ACTR10: variants seen among roughly 807,000 people sequenced by gnomAD.
The protein encoded by ACTR10 is actin-related protein 10.
Under a neutral mutation model 56.2 loss-of-function variants are expected in ACTR10, and 43 were observed. The ratio of observed to expected loss-of-function variants is 0.77; its 90% confidence interval spans 0.60 to 0.99. The LOEUF (loss-of-function observed/expected upper bound fraction) is 0.99, where lower values mean the gene tolerates loss of function less well. Ranked by LOEUF, ACTR10 falls within the 50% of genes least tolerant of loss-of-function variation. ACTR10 has a pLI of 0.00. For missense variants in ACTR10, 466 were observed against 507.8 expected, an observed-to-expected ratio of 0.92 and a Z score of 0.79; for synonymous variants, 170 against 176.3, an observed-to-expected ratio of 0.96 and a Z score of 0.28.
In ACTR10 at chr14:58,231,224, G is replaced by A. The variant is rs558551786; in HGVS notation, c.870+744G>A. The A allele has an allele frequency of 1.7e-5, 3 of 181,436 alleles. No individual in the cohort carries two copies. The South Asian group carries it at 2.3e-4, about 14-fold the overall frequency. 11.2% of individuals were successfully genotyped at this position (181,436 alleles called of 1,614,324 possible). On this transcript the variant is annotated intron_variant, in intron 11 of 12. Coordinates refer to ENST00000254286, the MANE Select transcript of ACTR10 (RefSeq NM_018477.3). ...TGTGCCACCATGCCTGGCTAATTTTGTATTTTTGGTAGAGATGGGGTTTCT... is the reference window on the plus strand; with the variant it reads ...TGTGCCACCATGCCTGGCTAATTTTATATTTTTGGTAGAGATGGGGTTTCT...
chr14:58,213,078 A>G lies in ACTR10; in HGVS notation c.451-553A>G, dbSNP rs1889041766. On this transcript the variant is annotated intron_variant, in intron 5 of 12. Coordinates refer to ENST00000254286, the MANE Select transcript of ACTR10 (RefSeq NM_018477.3). Reference sequence around the variant, plus strand: ...GGTTGCACTGAGCCGAGATCGCACCACTGCACTCCAGCCTGGGCTACAGAG... The same window carrying G: ...GGTTGCACTGAGCCGAGATCGCACCGCTGCACTCCAGCCTGGGCTACAGAG... The G allele has an allele frequency of 2.0e-5, 3 of 152,290 alleles. No homozygotes were observed. The South Asian group carries it at 6.2e-4, about 31-fold the overall frequency. 9.4% of individuals were successfully genotyped at this position (152,290 alleles called of 1,614,324 possible).
chr14:58,219,718 A>G lies in ACTR10; in HGVS notation c.623A>G (p.Glu208Gly). The G allele has an allele frequency of 6.6e-7, 1 of 1,526,548 alleles. No homozygotes were observed. Among genetic ancestry groups the G allele is most frequent in the Non-Finnish European group, 8.8e-7 (1 of 1,136,716 alleles). The allele number at this position is 1,526,548 out of a possible 1,614,324, so 94.6% of individuals were successfully genotyped here. A position where few individuals can be genotyped will look rare whatever the true frequency, so the allele number is the denominator to read the frequency against. The change falls in exon 8 of 13, where the codon GAG becomes GGG. Residue 208 changes from glutamate (E) to glycine (G), a missense_variant. Transcript: ENST00000254286. ...GGTTCAGTTCCGGAAGGTGTCTTAG[A>G]GGACATTAAAGGTAAACTAAGTTCT... ...VMGSVPEGVL[E>G]DIKARTCFVS...
chr14:58,223,595 A>T, intron 8 of ACTR10, 27 bp from the exon 9 acceptor site: 1 of 1,581,000 alleles, frequency 6.3e-7, no homozygotes, highest in Non-Finnish European at 8.6e-7. Flanking sequence ...AACTAGCCAT[A>T]ATAAGGTCTC....
At chr14:58,203,109 C>G (rs1184503501) in intron 2 of ACTR10, among the ~76,000 whole-genome samples, 182 bp downstream of exon 2, 2 of 152,044 alleles carry the variant, frequency 1.3e-5, no homozygotes, top group Non-Finnish European at 2.9e-5. Flanking sequence ...TGAGACCAGC[C>G]TGGACAACAT....
At chr14:58,223,958 G>A in intron 10 of ACTR10, 102 bp downstream of exon 10, 4 of 894,054 alleles carry the variant, frequency 4.5e-6, no homozygotes, top group Non-Finnish European at 5.2e-6. Flanking sequence ...CATTTTAACA[G>A]TTCAGTGTTT....
intron 7 of ACTR10, among the ~76,000 whole-genome samples, chr14:58,216,393 A>G (rs141644388): frequency 1.2e-4 from 18 of 152,272 alleles, no homozygotes; most frequent in Middle Eastern, 3.4e-3. Flanking sequence ...GCCTCCCAAA[A>G]TGCTGGGATT....
chr14:58,222,572 C>T (rs1216739613), intron 8 of ACTR10, among the ~76,000 whole-genome samples: 3 of 152,102 alleles, frequency 2.0e-5, no homozygotes, highest in Non-Finnish European at 4.4e-5. Context: ...CGAGACCAGC[C>T]TGACCAATAT....
At chr14:58,221,370 A>C (rs1432353809) in intron 8 of ACTR10, among the ~76,000 whole-genome samples, 2 of 151,966 alleles carry the variant, frequency 1.3e-5, no homozygotes, top group Non-Finnish European at 2.9e-5. Context: ...AAGGCAGGTG[A>C]ATCACTAGAG....
chr14:58,220,278 A>G (rs1270760920), intron 8 of ACTR10, among the ~76,000 whole-genome samples: 23 of 152,192 alleles, frequency 1.5e-4, no homozygotes, highest in Admixed American at 1.5e-3. Flanking sequence ...AATGTTAATA[A>G]TTTAGGATGT....
intron 4 of ACTR10, among the ~76,000 whole-genome samples, chr14:58,209,815 A>C (rs980156476): frequency 6.6e-6 from 1 of 152,226 alleles, no homozygotes; most frequent in Non-Finnish European, 1.5e-5. Context: ...ATGTAAGATT[A>C]TATGTATTAA....
At chr14:58,210,179 T>G (rs1272404009) in intron 4 of ACTR10, among the ~76,000 whole-genome samples, 1 of 152,214 alleles carries the variant, frequency 6.6e-6, no homozygotes. Flanking sequence ...ATACAGCCAT[T>G]ATTTTGTCTG....
Position 58,201,798 on chromosome 14 carries a change from T to G in ACTR10, c.78-1057T>G, listed in dbSNP as rs1234226654. Among the ~76,000 whole-genome samples the G allele has an allele frequency of 5.9e-5, 9 of 152,230 alleles. No individual in the cohort carries two copies. In the South Asian group the frequency reaches 1.4e-3, roughly 25 times the overall value. On this transcript the variant is annotated intron_variant, in intron 1 of 12. Transcript: ENST00000254286. ...AGGCGGGCTGACCACTTGAGCCCAG[T>G]AGTTCAAGACCAGCCTGGGCAACAT...
rs141037610 is a variant in ACTR10 at position 58,223,623 on chromosome 14, G to A, written c.636G>A (p.Ala212=). The change falls in exon 9 of 13, where the codon GCG becomes GCA. Residue 212 remains alanine, a splice_region_variant and synonymous_variant. Transcript: ENST00000254286. ...AAGGTCTCCTTTTCTTCCTTAAAGC[G>A]CGTACTTGCTTTGTAAGTGATCTGA... ...VPEGVLEDIK[A]RTCFVSDLKR... is the part of the protein sequence containing the mutation. The A allele has an allele frequency of 4.0e-5, 64 of 1,609,020 alleles. No homozygotes were observed. The highest frequency in any genetic ancestry group is 1.7e-4 in the Middle Eastern group (1 of 6,060).
chr14:58,228,666 T>G (rs1889457717), intron 10 of ACTR10, among the ~76,000 whole-genome samples: 2 of 138,660 alleles, frequency 1.4e-5, no homozygotes, highest in African/African-American at 2.6e-5. Flanking sequence ...TAACTACATC[T>G]AGTTGCAAGA....
chr14:58,219,652 A>G (rs1414483175), intron 7 of ACTR10, 42 bp from the exon 8 acceptor site: 1 of 1,303,826 alleles, frequency 7.7e-7, no homozygotes, highest in South Asian at 1.6e-5. Context: ...ACTGTTTTTA[A>G]TTATTAAAGT....
intron 12 of ACTR10, among the ~76,000 whole-genome samples, chr14:58,233,457 C>G (rs999069098): frequency 1.3e-5 from 2 of 151,858 alleles, no homozygotes; most frequent in African/African-American, 4.8e-5. Context: ...ACCATGTAGC[C>G]TAGAAATATC....
chr14:58,230,405 A>G lies in ACTR10; in HGVS notation c.795A>G (p.Ser265=). ...ILHILGSIRD[S]VVEILFEQDN... Reference sequence around the variant, plus strand: ...CTTTTTCAAATCCCATTAGAGATTCAGTTGTGGAAATTCTTTTTGAACAAG... The same window carrying G: ...CTTTTTCAAATCCCATTAGAGATTCGGTTGTGGAAATTCTTTTTGAACAAG... Residue 265 remains serine (S), a synonymous_variant, in exon 11 of 13, where the codon TCA becomes TCG. Coordinates refer to ENST00000254286, the MANE Select transcript of ACTR10 (RefSeq NM_018477.3). 1 of 1,577,154 alleles carries G rather than the reference A, an allele frequency of 6.3e-7. No homozygotes were observed. The highest frequency in any genetic ancestry group is 1.9e-5 in the Admixed American group (1 of 53,826).
At chr14:58,234,000 A>G (rs529166220) in intron 12 of ACTR10, among the ~76,000 whole-genome samples, 78 of 152,280 alleles carry the variant, frequency 5.1e-4, no homozygotes, top group Non-Finnish European at 8.8e-4. Context: ...GTACCATTTT[A>G]TTTATTGATA....
chr14:58,200,309 C>A lies in ACTR10; in HGVS notation c.77+15C>A, dbSNP rs191136748. On this transcript the variant is annotated intron_variant, in intron 1 of 12. Coordinates refer to ENST00000254286, the MANE Select transcript of ACTR10 (RefSeq NM_018477.3). ...GCCTTTACCAAGTGAGTGGCCGTGACGCCAGCTGTGTTCGACCCGAGGGGA... is the reference window on the plus strand; with the variant it reads ...GCCTTTACCAAGTGAGTGGCCGTGAAGCCAGCTGTGTTCGACCCGAGGGGA... 155 of 1,493,500 alleles carry A rather than the reference C, an allele frequency of 1.0e-4. No homozygotes were observed. The African/African-American group carries it at 2.1e-3, about 20-fold the overall frequency. 92.5% of individuals were successfully genotyped at this position (1,493,500 alleles called of 1,614,324 possible). A position where few individuals can be genotyped will look rare whatever the true frequency, so the allele number is the denominator to read the frequency against.
Sources: gnomAD v4.1 joint callset for allele counts (sites outside exome capture counted in the v4.1 genomes callset) on GRCh38, gnomAD v4.1.1 for gene constraint, MANE v1.5 for transcripts, NCBI Gene and HGNC (gene_info 2026-07-23, HGNC 2026-07-21) for gene names.